The following MYO5A variants were observed in gnomAD, a reference collection of about 807,000 sequenced individuals.
MYO5A encodes unconventional myosin-Va.
Under a neutral mutation model 249.7 loss-of-function variants are expected in MYO5A, and 98 were observed. The ratio of observed to expected loss-of-function variants is 0.39; its 90% CI spans 0.33 to 0.46. The LOEUF is 0.46. Ranked by LOEUF, MYO5A falls within the 20% of genes least tolerant of loss-of-function variation. The pLI, the probability that MYO5A is intolerant of heterozygous loss-of-function variation, is 0.98. For synonymous variants in MYO5A, 778 were observed against 810.6 expected (o/e 0.96, Z 0.68); for missense variants, 1,696 against 2,308.8 (o/e 0.73, Z 5.44).
intron 1 of MYO5A, among the ~76,000 whole-genome samples, chr15:52,487,207 G>A (rs2141520132): frequency 6.6e-6 from 1 of 152,262 alleles, no homozygotes; most frequent in Middle Eastern, 3.4e-3. Flanking sequence ...CATGAGTCCA[G>A]GAGTTCGAGA....
At chr15:52,353,736 G>A (rs2040065628) in intron 26 of MYO5A, 78 bp from the exon 27 acceptor site, 3 of 1,585,760 alleles carry the variant, frequency 1.9e-6, no homozygotes, top group Non-Finnish European at 2.6e-6. Flanking sequence ...ACCGAAAACA[G>A]TGAAGAGAGT....
At position 52,372,239 on chromosome 15, in the gene MYO5A, G is replaced by A; in HGVS notation, c.2702C>T (p.Ala901Val). ...YLQCCFRRMM[A>V]KRELKKLKIE... ...TTTGAGCTTCTTTAGCTCACGCTTG[G>A]CCATCATCCGCCTGAAGCAGCACTG... is the stretch of plus-strand genomic sequence containing the variant. Residue 901 changes from alanine (A) to valine (V), a missense_variant, in exon 21 of 42, where the codon GCC (alanine) becomes GTC (valine). By Grantham distance (64) the Ala-to-Val change is moderately conservative. Around this residue, in one of 5 missense-constraint regions of MYO5A, gnomAD observed 412 missense variants for 453.3 expected, o/e 0.91. Transcript: ENST00000399233. The A allele has an allele frequency of 3.7e-6, 6 of 1,612,950 alleles. No homozygotes were observed. Among genetic ancestry groups the A allele is most frequent in the Non-Finnish European group, 5.1e-6 (6 of 1,180,018 alleles).
chr15:52,518,220 T>C (rs558513416), intron 1 of MYO5A, among the ~76,000 whole-genome samples: 1 of 141,868 alleles, frequency 7.0e-6, no homozygotes, highest in East Asian at 2.0e-4. Context: ...AGGTCAGAGA[T>C]TTGGCTAAAC....
intron 32 of MYO5A, among the ~76,000 whole-genome samples, chr15:52,339,930 A>G (rs2039300996): frequency 6.6e-6 from 1 of 152,222 alleles, no homozygotes; most frequent in South Asian, 2.1e-4. Context: ...CCTGCCATCA[A>G]AAGCCCAGCC....
intron 14 of MYO5A, among the ~76,000 whole-genome samples, chr15:52,386,396 G>T (rs891124038): frequency 6.6e-6 from 1 of 152,066 alleles, no homozygotes; most frequent in African/African-American, 2.4e-5. Context: ...CTTTGACAAA[G>T]TAATAAAACT....
chr15:52,512,937 TA>T (rs1048652083), intron 1 of MYO5A, among the ~76,000 whole-genome samples: 3 of 147,146 alleles, frequency 2.0e-5, no homozygotes, highest in African/African-American at 7.6e-5. Flanking sequence ...ACCATGCTGG[TA>T]AACAGGTTGC....
chr15:52,457,958 T>A (rs974853914), intron 1 of MYO5A, among the ~76,000 whole-genome samples: 1 of 152,170 alleles, frequency 6.6e-6, no homozygotes, highest in African/African-American at 2.4e-5. Context: ...TGCAGCAGCA[T>A]GGATGAAACT....
intron 1 of MYO5A, among the ~76,000 whole-genome samples, chr15:52,457,783 CA>C (rs2076149238): frequency 6.6e-6 from 1 of 152,092 alleles, no homozygotes; most frequent in Non-Finnish European, 1.5e-5. Flanking sequence ...GAAAGGAAAT[CA>C]GTATGTCAAA....
intron 1 of MYO5A, among the ~76,000 whole-genome samples, chr15:52,525,569 T>C (rs1342105438): frequency 6.6e-6 from 1 of 152,218 alleles, no homozygotes; most frequent in Admixed American, 6.5e-5. Flanking sequence ...TGACATTTTT[T>C]TAAAGAGCAC....
chr15:52,396,591 A>G (rs1193739679), intron 10 of MYO5A, among the ~76,000 whole-genome samples, 194 bp from the exon 11 acceptor site: 1 of 152,180 alleles, frequency 6.6e-6, no homozygotes, highest in Non-Finnish European at 1.5e-5. Context: ...AGCATCAGCC[A>G]TGCAGCAGAG....
rs55803737 is a variant in MYO5A, at chr15:52,378,515, C to CAAAA, written c.2208+1106_2208+1109dup. Reference sequence around the variant, plus strand: ...CCTGGGTGAAAGAGCAAGACTGTCTCAAAAAAAAAAAAAAAAGAAGGGAAT... The same window carrying CAAAA: ...CCTGGGTGAAAGAGCAAGACTGTCTCAAAAAAAAAAAAAAAAAAAAGAAGGGAAT... On this transcript the variant is annotated intron_variant, in intron 18 of 41. Transcript: ENST00000399233. Among the ~76,000 whole-genome samples, 64 of 10,484 alleles carry CAAAA rather than the reference C, an allele frequency of 6.1e-3. 14 individuals are homozygous for CAAAA. The East Asian group carries it at 0.21, about 34-fold the overall frequency. 6.9% of individuals were successfully genotyped at this position (10,484 alleles called of 152,430 possible).
chr15:52,445,500 T>C (rs112656340), intron 1 of MYO5A, among the ~76,000 whole-genome samples: 2 of 152,230 alleles, frequency 1.3e-5, no homozygotes, highest in African/African-American at 4.8e-5. Flanking sequence ...GAGTGAGGGA[T>C]TGCCTCACAT....
intron 8 of MYO5A, among the ~76,000 whole-genome samples, chr15:52,406,533 A>G (rs978564049): frequency 4.6e-5 from 7 of 152,276 alleles, no homozygotes; most frequent in South Asian, 2.1e-4. Flanking sequence ...AAGGCCCACA[A>G]TGGTCCTGGT....
chr15:52,339,558 G>C (rs1365473212), intron 32 of MYO5A, among the ~76,000 whole-genome samples: 3 of 149,594 alleles, frequency 2.0e-5, no homozygotes, highest in Non-Finnish European at 3.0e-5. Context: ...AAAAAGAAAA[G>C]AAAACAGTCA....
intron 2 of MYO5A, among the ~76,000 whole-genome samples, chr15:52,428,933 T>C (rs1439981366): frequency 1.3e-5 from 2 of 152,244 alleles, no homozygotes; most frequent in Non-Finnish European, 2.9e-5. Flanking sequence ...AGCTTGGCTC[T>C]AGGATCAGAT....
intron 1 of MYO5A, chr15:52,505,083 A>C (rs1484142516): frequency 8.7e-6 from 5 of 577,614 alleles, no homozygotes; most frequent in Non-Finnish European, 3.1e-6. Flanking sequence ...GGCCCATTTT[A>C]TTAATTTATT....
chr15:52,411,461 A>G (rs1396808936), intron 5 of MYO5A, among the ~76,000 whole-genome samples: 2 of 152,172 alleles, frequency 1.3e-5, no homozygotes, highest in Non-Finnish European at 2.9e-5. Context: ...AATGTTTTAT[A>G]TAACCTTAAA....
At chr15:52,520,557 C>T (rs1318486463) in intron 1 of MYO5A, among the ~76,000 whole-genome samples, 1 of 152,210 alleles carries the variant, frequency 6.6e-6, no homozygotes, top group African/African-American at 2.4e-5. Context: ...ATGACCATGT[C>T]TGAGCCTTGA....
At chr15:52,465,581 C>A (rs1036582073) in intron 1 of MYO5A, among the ~76,000 whole-genome samples, 2 of 152,080 alleles carry the variant, frequency 1.3e-5, no homozygotes, top group Non-Finnish European at 2.9e-5. Flanking sequence ...TGCTTGAATT[C>A]AGGAATTCGA....
Sources: allele counts gnomAD v4.1 joint callset (sites outside exome capture counted in the v4.1 genomes callset), GRCh38; gene constraint gnomAD v4.1.1; regional missense constraint gnomAD v4.1.1; transcripts MANE v1.5; gene names NCBI Gene and HGNC (gene_info 2026-07-23, HGNC 2026-07-21).